Variants in KAT14 observed in about 807,000 individuals in gnomAD.
The protein encoded by KAT14 is cysteine-rich protein 2-binding protein.
A neutral mutation model predicts 78.4 loss-of-function variants in KAT14; 66 were observed. The observed-to-expected ratio is 0.84, with a 90% CI of 0.69 to 1.03. The LOEUF (loss-of-function observed/expected upper bound fraction) is 1.03, where lower values mean the gene tolerates loss of function less well. KAT14 is among the 50% of genes least tolerant of loss of function. KAT14 has a pLI of 0.00. For missense variants in KAT14, 870 were observed against 972.5 expected, an observed-to-expected ratio of 0.89 and a Z score of 1.40; for synonymous variants, 344 against 359.4, an observed-to-expected ratio of 0.96 and a Z score of 0.48.
At chr20:18,142,128 C>T in intron 1 of KAT14, 80 bp from the exon 2 acceptor site, 2 of 1,387,436 alleles carry the variant, frequency 1.4e-6, no homozygotes, top group Non-Finnish European at 1.9e-6. Flanking sequence ...TTTGGTAACA[C>T]TGTTATTTGG....
chr20:18,167,853 T>A (rs766996762), intron 7 of KAT14, among the ~76,000 whole-genome samples: 3 of 151,436 alleles, frequency 2.0e-5, no homozygotes, highest in Non-Finnish European at 4.4e-5. Flanking sequence ...CATTTATTTT[T>A]CCTTATTCTT....
At chr20:18,161,251 C>CT (rs200268564) in intron 5 of KAT14, among the ~76,000 whole-genome samples, 164 of 150,560 alleles carry the variant, frequency 1.1e-3, no homozygotes, top group African/African-American at 3.8e-3. Context: ...CTTTATCAAA[C>CT]TTTTTTTTTG....
At chr20:18,137,790 C>T (rs1489910036), upstream of KAT14, 3 of 652,344 alleles carry the variant, frequency 4.6e-6, no homozygotes, top group Non-Finnish European at 6.9e-6. Context: ...GCTCTATGCT[C>T]GGCTCTCGAT....
At chr20:18,160,926 G>A (rs564332493) in intron 5 of KAT14, among the ~76,000 whole-genome samples, 2 of 152,262 alleles carry the variant, frequency 1.3e-5, no homozygotes, top group South Asian at 4.1e-4. Context: ...TGTAATCCCA[G>A]TACTTTGGGA....
At chr20:18,167,774 T>C (rs1401101448) in intron 7 of KAT14, among the ~76,000 whole-genome samples, 1 of 152,212 alleles carries the variant, frequency 6.6e-6, no homozygotes, top group Non-Finnish European at 1.5e-5. Flanking sequence ...TTATGTGATG[T>C]TCATTCTGTA....
At position 18,137,880 on chromosome 20, in the gene KAT14, G is replaced by C. The variant is rs976383074; in HGVS notation, c.-625G>C. 1.7e-5 allele frequency: 23 copies of C among 1,387,964 alleles called. No homozygotes were observed. The highest frequency in any genetic ancestry group is 2.1e-5 in the Non-Finnish European group (22 of 1,066,096). The allele number at this position is 1,387,964 out of a possible 1,614,324, so 86.0% of individuals were successfully genotyped here. A position where few individuals can be genotyped will look rare whatever the true frequency, so the allele number is the denominator to read the frequency against. On this transcript the variant is annotated 5_prime_UTR_variant, in exon 1 of 11. Coordinates refer to ENST00000688188, the MANE Select transcript of KAT14 (RefSeq NM_001392073.1). ...GAGGGGTCGAGCCTGGGCAGTACAG[G>C]CGGCGGTGCGCACTCTGCGGCGGCC...
At position 18,162,921 on chromosome 20, in the gene KAT14, C is replaced by A; in HGVS notation, c.1644C>A (p.Asp548Glu). ...CCACGTACAGAACCACCTGTCAGGA[C>A]TTCAGAATCCTTGACCGATACCAGG... Reference protein sequence around the residue: ...GQATYRTTCQDFRILDRYQTS... With the variant: ...GQATYRTTCQEFRILDRYQTS... Residue 548 changes from aspartate (D) to glutamate (E), a missense_variant, in exon 7 of 11, where the codon GAC becomes GAA. Transcript: ENST00000688188. 1 of 1,614,096 alleles carries A rather than the reference C, an allele frequency of 6.2e-7. No homozygotes were observed. The highest frequency in any genetic ancestry group is 1.6e-4 in the Middle Eastern group (1 of 6,062).
rs374168048 is a variant in KAT14, at chr20:18,142,768, G to T, written c.108G>T (p.Thr36=). 22 of 1,614,038 alleles carry T rather than the reference G, an allele frequency of 1.4e-5. No individual in the cohort carries two copies. Among genetic ancestry groups the T allele is most frequent in the East Asian group, 2.2e-5 (1 of 44,896 alleles). ...AGGAAGGTGAAGTGGAGGGAGAGACGCTCCTGATCGTCGAATCCGAGGATC... is the reference window on the plus strand; with the variant it reads ...AGGAAGGTGAAGTGGAGGGAGAGACTCTCCTGATCGTCGAATCCGAGGATC... ...GLEEGEVEGE[T]LLIVESEDQA... Residue 36 remains threonine, a synonymous_variant, in exon 2 of 11, where the codon ACG becomes ACT. Coordinates refer to ENST00000688188, the MANE Select transcript of KAT14 (RefSeq NM_001392073.1).
intron 7 of KAT14, among the ~76,000 whole-genome samples, chr20:18,163,421 G>A (rs796438043): frequency 6.6e-6 from 1 of 152,208 alleles, no homozygotes; most frequent in South Asian, 2.1e-4. Flanking sequence ...CCCAAATTTT[G>A]TGGATGCTTC....
Position 18,162,256 on chromosome 20 carries a change from T to C in KAT14, c.1099+17T>C, listed in dbSNP as rs754837838. The C allele has an allele frequency of 1.9e-6, 3 of 1,613,404 alleles. No homozygotes were observed. The South Asian group carries it at 3.3e-5, about 18-fold the overall frequency. ...TGTTTCATGGTAAGAGTTTGTTTGC[T>C]TTGCTCTTTTATTTTGGGTATGGGC... On this transcript the variant is annotated intron_variant, in intron 6 of 10. Transcript: ENST00000688188.
intron 7 of KAT14, among the ~76,000 whole-genome samples, chr20:18,177,498 A>G (rs952108568): frequency 3.9e-5 from 6 of 152,174 alleles, no homozygotes. Context: ...GGATGGAGGA[A>G]TTGTTAGTGG....
Position 18,138,068 on chromosome 20 carries a change from C to G in KAT14, c.-454+17C>G. Reference sequence around the variant, plus strand: ...GACCAGCAGGTCGGTGTCACGTGACCGTCTCTTCCGGGCCCGCGCGCGCGG... The same window carrying G: ...GACCAGCAGGTCGGTGTCACGTGACGGTCTCTTCCGGGCCCGCGCGCGCGG... On this transcript the variant is annotated intron_variant, in intron 1 of 10. Transcript: ENST00000688188. 3 of 1,460,862 alleles carry G rather than the reference C, an allele frequency of 2.1e-6. 1 individual carries two copies. The South Asian group carries it at 3.9e-5, about 19-fold the overall frequency. 90.5% of individuals were successfully genotyped at this position (1,460,862 alleles called of 1,614,324 possible). A position where few individuals can be genotyped will look rare whatever the true frequency, so the allele number is the denominator to read the frequency against.
At chr20:18,178,741 C>T (rs557183126) in intron 7 of KAT14, among the ~76,000 whole-genome samples, 3 of 137,170 alleles carry the variant, frequency 2.2e-5, no homozygotes, top group Admixed American at 2.1e-4. Context: ...CAGAGCCAAA[C>T]CATATCATTC....
intron 7 of KAT14, among the ~76,000 whole-genome samples, chr20:18,181,437 C>T (rs971134870): frequency 4.9e-5 from 7 of 142,306 alleles, no homozygotes; most frequent in Admixed American, 1.5e-4. Flanking sequence ...GGTGCAATCT[C>T]GGCTCACTGC....
chr20:18,159,659 A>T (rs1026029991), intron 5 of KAT14, among the ~76,000 whole-genome samples: 45 of 152,308 alleles, frequency 3.0e-4, no homozygotes, highest in African/African-American at 9.9e-4. Flanking sequence ...AATCCTCAGT[A>T]CTTTTCCCCA....
intron 7 of KAT14, among the ~76,000 whole-genome samples, chr20:18,176,386 C>T (rs2039052175): frequency 3.3e-5 from 5 of 151,462 alleles, no homozygotes; most frequent in Admixed American, 2.6e-4. Flanking sequence ...TGTCCTTAGG[C>T]AGGGGGCATC....
upstream of KAT14, chr20:18,137,820 C>G (rs1600210186): frequency 5.4e-6 from 5 of 924,610 alleles, 1 homozygote; most frequent in South Asian, 2.4e-5. Context: ...CTGGCAGCGG[C>G]GAGCGGCGCA....
chr20:18,160,972 C>T (rs1198916030), intron 5 of KAT14, among the ~76,000 whole-genome samples: 4 of 151,964 alleles, frequency 2.6e-5, no homozygotes, highest in Admixed American at 6.6e-5. Context: ...GTCAGGAGTT[C>T]GAGACCAGCC....
Position 18,137,911 on chromosome 20 carries a change from GC to G in KAT14, c.-592del. On this transcript the variant is annotated 5_prime_UTR_variant, in exon 1 of 11. Transcript: ENST00000688188. The stretch of plus-strand genomic sequence containing the variant: ...GTGCGCACTCTGCGGCGGCCTCTGC[GC>G]CTCGGGCGGGCGGGAGAGAGAGGCC... 6.9e-7 allele frequency: 1 copy of G among 1,457,462 alleles called. No homozygotes were observed. Among genetic ancestry groups the G allele is most frequent in the Non-Finnish European group, 9.0e-7 (1 of 1,111,612 alleles). 90.3% of individuals were successfully genotyped at this position (1,457,462 alleles called of 1,614,324 possible).
Sources: allele counts gnomAD v4.1 joint callset (sites outside exome capture counted in the v4.1 genomes callset), GRCh38; gene constraint gnomAD v4.1.1; transcripts MANE v1.5; gene names NCBI Gene and HGNC (gene_info 2026-07-23, HGNC 2026-07-21).